DOCK5: variants seen among roughly 807,000 people sequenced by gnomAD.
DOCK5 encodes the protein dedicator of cytokinesis 5.
In DOCK5, 142 loss-of-function variants were observed where a neutral mutation model predicts 251.8. The ratio of observed to expected loss-of-function variants is 0.56; its 90% confidence interval spans 0.49 to 0.65. The LOEUF is 0.65. Ranked by LOEUF, DOCK5 falls within the 30% of genes least tolerant of loss-of-function variation. The pLI is 0.00. For synonymous variants in DOCK5, 842 were observed against 835.5 expected (o/e 1.01, Z -0.13); for missense variants, 2,111 against 2,312.3 (o/e 0.91, Z 1.79).
At chr8:25,271,865 T>C (rs1803921112) in intron 3 of DOCK5, among the ~76,000 whole-genome samples, 4 of 152,166 alleles carry the variant, frequency 2.6e-5, no homozygotes, top group Admixed American at 6.5e-5. Context: ...AGTCATTCTA[T>C]AAGCATCAGA....
chr8:25,248,363 T>G (rs891390785), intron 2 of DOCK5, among the ~76,000 whole-genome samples: 1 of 152,144 alleles, frequency 6.6e-6, no homozygotes, highest in Non-Finnish European at 1.5e-5. Context: ...TCTACCCCTC[T>G]TCTCCTAGTC....
At chr8:25,359,483 C>A (rs748714647) in intron 28 of DOCK5, among the ~76,000 whole-genome samples, 5 of 152,228 alleles carry the variant, frequency 3.3e-5, no homozygotes, top group Non-Finnish European at 5.9e-5. Context: ...GTAATCCCTG[C>A]CCTTTACAAC....
chr8:25,287,495 G>A (rs988607696), intron 5 of DOCK5, among the ~76,000 whole-genome samples: 35 of 152,088 alleles, frequency 2.3e-4, no homozygotes, highest in East Asian at 3.9e-4. Flanking sequence ...GTATCTCCAA[G>A]TAGAAGAGGG....
chr8:25,240,022 G>T (rs941006864), intron 1 of DOCK5, among the ~76,000 whole-genome samples: 6 of 152,138 alleles, frequency 3.9e-5, no homozygotes, highest in Non-Finnish European at 1.5e-5. Context: ...CCAGGGAAGA[G>T]CTGGGAAGAG....
chr8:25,293,795 G>A (rs1416993905), intron 6 of DOCK5, among the ~76,000 whole-genome samples: 1 of 152,164 alleles, frequency 6.6e-6, no homozygotes, highest in Non-Finnish European at 1.5e-5. Context: ...CCAGAGGTCA[G>A]GAGTTCGAGA....
intron 1 of DOCK5, among the ~76,000 whole-genome samples, chr8:25,228,832 C>T (rs938468668): frequency 6.6e-5 from 10 of 151,750 alleles, no homozygotes; most frequent in African/African-American, 2.4e-4. Context: ...TTAATTTAGT[C>T]TATGTTTTAT....
intron 1 of DOCK5, among the ~76,000 whole-genome samples, chr8:25,189,937 A>G (rs1197580378): frequency 6.6e-6 from 1 of 152,142 alleles, no homozygotes; most frequent in Non-Finnish European, 1.5e-5. Flanking sequence ...CCCAGGCTGG[A>G]GTGCAGTGGT....
At chr8:25,238,222 A>G (rs576071254) in intron 1 of DOCK5, among the ~76,000 whole-genome samples, 1 of 152,258 alleles carries the variant, frequency 6.6e-6, no homozygotes, top group African/African-American at 2.4e-5. Context: ...TATCTTCACC[A>G]CTATGGACTG....
intron 1 of DOCK5, among the ~76,000 whole-genome samples, chr8:25,229,068 C>T (rs1235773301): frequency 1.1e-5 from 1 of 87,610 alleles, no homozygotes; most frequent in African/African-American, 4.0e-5. Context: ...TCATGTCTAC[C>T]AAAAAAAAAA....
intron 1 of DOCK5, among the ~76,000 whole-genome samples, chr8:25,208,478 C>G (rs993762609): frequency 5.9e-5 from 9 of 152,326 alleles, no homozygotes; most frequent in African/African-American, 2.2e-4. Context: ...CTGCCCCAGT[C>G]TTCAGCAACT....
chr8:25,187,770 A>T (rs1004667066), intron 1 of DOCK5, among the ~76,000 whole-genome samples: 1 of 152,096 alleles, frequency 6.6e-6, no homozygotes, highest in South Asian at 2.1e-4. Flanking sequence ...GTTGTGCAAC[A>T]TACCCTGCAG....
intron 2 of DOCK5, among the ~76,000 whole-genome samples, chr8:25,262,266 C>G (rs1235194084): frequency 6.6e-6 from 1 of 151,050 alleles, no homozygotes; most frequent in East Asian, 1.9e-4. Flanking sequence ...TAGTATTTCA[C>G]TGTCTTTTTT....
intron 2 of DOCK5, among the ~76,000 whole-genome samples, chr8:25,261,917 G>A (rs945993198): frequency 6.6e-6 from 1 of 152,170 alleles, no homozygotes; most frequent in Non-Finnish European, 1.5e-5. Context: ...CATCCATGAT[G>A]TTGCACATCC....
At chr8:25,401,135 T>C in intron 47 of DOCK5, 69 bp downstream of exon 47, 2 of 1,580,678 alleles carry the variant, frequency 1.3e-6, no homozygotes, top group Non-Finnish European at 1.7e-6. Flanking sequence ...ACTGATTCGT[T>C]TTTCAGATGC....
At chr8:25,259,483 T>C (rs1219905299) in intron 2 of DOCK5, among the ~76,000 whole-genome samples, 1 of 152,184 alleles carries the variant, frequency 6.6e-6, no homozygotes, top group Admixed American at 6.5e-5. Flanking sequence ...TAAGAGGCAG[T>C]CTTGCTCTAT....
intron 44 of DOCK5, 85 bp downstream of exon 44, chr8:25,392,967 C>G: frequency 8.2e-7 from 1 of 1,225,078 alleles, no homozygotes; most frequent in Non-Finnish European, 1.2e-6. Flanking sequence ...CTCTGCAGTT[C>G]ACACCAGCTT....
At chr8:25,268,156 C>T (rs1003978926) in intron 2 of DOCK5, among the ~76,000 whole-genome samples, 7 of 151,836 alleles carry the variant, frequency 4.6e-5, no homozygotes, top group Admixed American at 1.3e-4. Flanking sequence ...CCACCGTGCC[C>T]GGCTGGAATT....
intron 2 of DOCK5, among the ~76,000 whole-genome samples, chr8:25,245,217 C>A (rs1186465671): frequency 6.6e-6 from 1 of 152,050 alleles, no homozygotes; most frequent in Non-Finnish European, 1.5e-5. Context: ...CCACCACACC[C>A]AGCTAATTTT....
chr8:25,296,682 G>T, intron 7 of DOCK5, 34 bp downstream of exon 7: 1 of 1,605,096 alleles, frequency 6.2e-7, no homozygotes, highest in Non-Finnish European at 8.5e-7. Context: ...TCTGCCCACT[G>T]AGGTTCCATT....
Sources: allele counts gnomAD v4.1 joint callset (sites outside exome capture counted in the v4.1 genomes callset), GRCh38; gene constraint gnomAD v4.1.1; transcripts MANE v1.5; gene names NCBI Gene and HGNC (gene_info 2026-07-23, HGNC 2026-07-21).